Variants in MACROD2 observed in about 807,000 individuals in gnomAD.
The protein encoded by MACROD2 is mono-ADP ribosylhydrolase 2.
Under a neutral mutation model 70.4 loss-of-function variants are expected in MACROD2, and 36 were observed. That is an observed-to-expected ratio of 0.51 (90% CI 0.39 to 0.68). The LOEUF is 0.68. MACROD2 is among the 30% of genes least tolerant of loss of function. The probability of loss-of-function intolerance (pLI) is 0.00; values close to 1 mark genes in which losing one functional copy is unlikely to be tolerated. For synonymous variants in MACROD2, 172 were observed against 178.8 expected (o/e 0.96, Z 0.30); for missense variants, 496 against 538.4 (o/e 0.92, Z 0.78).
At chr20:15,465,492 G>A (rs760795129) in intron 7 of MACROD2, among the ~76,000 whole-genome samples, 56 of 152,364 alleles carry the variant, frequency 3.7e-4, no homozygotes, top group Middle Eastern at 6.8e-3. Flanking sequence ...TGGCAATCTC[G>A]GGATGGAGTT....
chr20:15,798,780 G>A (rs6131718), intron 8 of MACROD2, among the ~76,000 whole-genome samples: 43,119 of 151,976 alleles, frequency 0.28, 6,580 homozygotes, highest in East Asian at 0.43. Context: ...TCAGAGCACA[G>A]AATGTAGGTC....
chr20:14,555,262 T>C (rs934094449), intron 4 of MACROD2, among the ~76,000 whole-genome samples: 1 of 152,014 alleles, frequency 6.6e-6, no homozygotes, highest in African/African-American at 2.4e-5. Flanking sequence ...CCCCAAAAAC[T>C]TAAAGAATAT....
intron 5 of MACROD2, among the ~76,000 whole-genome samples, chr20:15,107,983 C>T (rs77656274): frequency 7.0e-6 from 1 of 142,678 alleles, no homozygotes; most frequent in African/African-American, 2.6e-5. Context: ...AGAGCAAGCT[C>T]TTTTTTTTTT....
chr20:15,401,765 G>A (rs1003679004), intron 6 of MACROD2, among the ~76,000 whole-genome samples: 19 of 152,280 alleles, frequency 1.2e-4, no homozygotes, highest in African/African-American at 4.3e-4. Context: ...GAAAACAATA[G>A]AGAAATTGTA....
chr20:15,604,196 G>A (rs959762757), intron 8 of MACROD2, among the ~76,000 whole-genome samples: 4 of 152,182 alleles, frequency 2.6e-5, no homozygotes, highest in African/African-American at 7.2e-5. Flanking sequence ...CCAGAGAGTT[G>A]CACAGAGTTT....
intron 4 of MACROD2, among the ~76,000 whole-genome samples, chr20:14,581,928 T>G (rs1981048616): frequency 6.6e-6 from 1 of 152,198 alleles, no homozygotes; most frequent in Non-Finnish European, 1.5e-5. Context: ...CTTCTTTCTA[T>G]GTCTCAGGCA....
In MACROD2 at chr20:14,275,587, T is replaced by C. The variant is rs1601425258; in HGVS notation, c.271+189859T>C. Among the ~76,000 whole-genome samples, 4 of 151,512 alleles carry C rather than the reference T, an allele frequency of 2.6e-5. No individual in the cohort carries two copies. The South Asian group carries it at 8.4e-4, about 32-fold the overall frequency. On this transcript the variant is annotated intron_variant, in intron 3 of 17. Coordinates refer to ENST00000684519, the MANE Select transcript of MACROD2 (RefSeq NM_001351661.2). ...TAGGCATGGGCAAGGACTTCATGTCTAAAACACCAAAAGCAATGGCAACAA... is the reference window on the plus strand; with the variant it reads ...TAGGCATGGGCAAGGACTTCATGTCCAAAACACCAAAAGCAATGGCAACAA...
At position 16,020,768 on chromosome 20, in the gene MACROD2, G is replaced by A. The variant is rs1019057305; in HGVS notation, c.1154-20433G>A. Among the ~76,000 whole-genome samples the A allele has an allele frequency of 4.0e-5, 6 of 151,872 alleles. No homozygotes were observed. The East Asian group carries it at 7.7e-4, about 20-fold the overall frequency. On this transcript the variant is annotated intron_variant, in intron 15 of 17. Coordinates refer to ENST00000684519, the MANE Select transcript of MACROD2 (RefSeq NM_001351661.2). ...GCATGCAGCCACGTACAAGTGGGAT[G>A]GGGGGAAGGAAATCCATCCCCATGG... is the stretch of plus-strand genomic sequence containing the variant.
At chr20:15,655,219 A>G (rs180761722) in intron 8 of MACROD2, among the ~76,000 whole-genome samples, 1 of 152,208 alleles carries the variant, frequency 6.6e-6, no homozygotes, top group Admixed American at 6.5e-5. Context: ...GAAAAAGGAC[A>G]ACTCTGATAA....
chr20:14,731,365 G>A (rs543904859), intron 5 of MACROD2, among the ~76,000 whole-genome samples: 3 of 152,158 alleles, frequency 2.0e-5, no homozygotes, highest in South Asian at 2.1e-4. Flanking sequence ...TTATGTCACC[G>A]AATCTACTTT....
intron 5 of MACROD2, among the ~76,000 whole-genome samples, chr20:14,742,773 ATT>A (rs397817634): frequency 6.8e-6 from 1 of 146,480 alleles, no homozygotes; most frequent in Non-Finnish European, 1.5e-5. Context: ...ATTTTATTTT[ATT>A]TTTTTTTTTG....
intron 4 of MACROD2, among the ~76,000 whole-genome samples, chr20:14,635,017 ATATT>A (rs1403536912): frequency 2.0e-5 from 3 of 152,156 alleles, no homozygotes; most frequent in Non-Finnish European, 2.9e-5. Flanking sequence ...CCCCTGATGA[ATATT>A]TATTGAGTGC....
At chr20:15,554,809 G>T (rs6105432) in intron 8 of MACROD2, among the ~76,000 whole-genome samples, 9,230 of 152,250 alleles carry the variant, frequency 0.061, 292 homozygotes, top group Middle Eastern at 0.078. Context: ...GAATAAAAAT[G>T]TCCTAAAATA....
intron 5 of MACROD2, among the ~76,000 whole-genome samples, chr20:14,696,321 T>C (rs1339956461): frequency 1.3e-5 from 2 of 152,226 alleles, no homozygotes; most frequent in Non-Finnish European, 2.9e-5. Flanking sequence ...GACCATGCTC[T>C]AGTCTTTACC....
chr20:14,352,359 A>G (rs1238326619), intron 3 of MACROD2: 1 of 152,190 alleles, frequency 6.6e-6, no homozygotes, highest in Non-Finnish European at 1.5e-5. Flanking sequence ...TTGGAACGAT[A>G]TAGAGAAGAT....
intron 6 of MACROD2, among the ~76,000 whole-genome samples, chr20:15,336,117 C>G (rs1345441562): frequency 1.3e-5 from 2 of 151,586 alleles, no homozygotes; most frequent in Non-Finnish European, 2.9e-5. Flanking sequence ...TTATCTTTTG[C>G]ATTTCTTGAG....
intron 17 of MACROD2, among the ~76,000 whole-genome samples, chr20:16,047,147 C>T (rs150113726): frequency 8.5e-5 from 13 of 152,252 alleles, no homozygotes; most frequent in Non-Finnish European, 1.3e-4. Flanking sequence ...ATGATTTGTG[C>T]AACGTCACTG....
At chr20:15,658,275 T>C (rs2049763862) in intron 8 of MACROD2, among the ~76,000 whole-genome samples, 1 of 151,664 alleles carries the variant, frequency 6.6e-6, no homozygotes, top group Non-Finnish European at 1.5e-5. Flanking sequence ...CAATTTGACT[T>C]ATGGAGTGCT....
In MACROD2 at chr20:14,532,417, G is replaced by T. The variant is rs182266741; in HGVS notation, c.301+38909G>T. On this transcript the variant is annotated intron_variant, in intron 4 of 17. Transcript: ENST00000684519. ...TTTTTTTTTATTTAGTAGAGACGGG[G>T]TTTCACCGTGTTAGCCAGGATGGTC... Among the ~76,000 whole-genome samples the T allele has an allele frequency of 9.1e-3, 1,379 of 151,096 alleles. 25 individuals carry two copies. Among genetic ancestry groups the T allele is most frequent in the African/African-American group, 0.031 (1,293 of 41,124 alleles).
Sources: gnomAD v4.1 joint callset for allele counts (sites outside exome capture counted in the v4.1 genomes callset) on GRCh38, gnomAD v4.1.1 for gene constraint, MANE v1.5 for transcripts, NCBI Gene and HGNC (gene_info 2026-07-23, HGNC 2026-07-21) for gene names.